The following BABAM2 variants were observed in gnomAD, a reference collection of about 807,000 sequenced individuals.
The protein encoded by BABAM2 is BRISC and BRCA1 A complex member 2, also known as BRISC and BRCA1-A complex member 2.
A neutral mutation model predicts 54.7 loss-of-function variants in BABAM2; 31 were observed. The observed-to-expected ratio is 0.57, with a 90% CI of 0.43 to 0.77. BABAM2 has a LOEUF of 0.77. BABAM2 is among the 30% of genes least tolerant of loss of function. The pLI is 0.00. For missense variants in BABAM2, 364 were observed against 455.8 expected (o/e 0.80, Z 1.83); for synonymous variants, 167 against 162.9 (o/e 1.03, Z -0.19).
chr2:28,001,727 A>C (rs1673591435), intron 4 of BABAM2, among the ~76,000 whole-genome samples: 1 of 152,158 alleles, frequency 6.6e-6, no homozygotes, highest in Non-Finnish European at 1.5e-5. Context: ...TAGGCGTATC[A>C]CATGGTGAGA....
At chr2:28,217,343 A>G (rs1390524971) in intron 7 of BABAM2, among the ~76,000 whole-genome samples, 2 of 152,348 alleles carry the variant, frequency 1.3e-5, no homozygotes, top group African/African-American at 2.4e-5. Flanking sequence ...GCTCAGAGGC[A>G]TTTTATGTGT....
intron 10 of BABAM2, among the ~76,000 whole-genome samples, chr2:28,250,369 C>T (rs1348663940): frequency 3.8e-5 from 5 of 132,974 alleles, no homozygotes; most frequent in Admixed American, 1.6e-4. Context: ...ACTTTCTTAG[C>T]GGTTTATTCT....
rs994022178 is a variant in BABAM2, at chr2:27,890,791, C to A, written c.-76C>A. On this transcript the variant is annotated 5_prime_UTR_variant, in exon 1 of 12. Transcript: ENST00000379624. This position sits in a 1 kb window ranked among gnomAD's most constrained non-coding sequence, Gnocchi z 4.8. ...TCGGTGCGTCTGTCGGGGGCGCGCTCGGGTACCTGTACCCCACGTAGTCGC... is the reference window on the plus strand; with the variant it reads ...TCGGTGCGTCTGTCGGGGGCGCGCTAGGGTACCTGTACCCCACGTAGTCGC... The A allele has an allele frequency of 3.9e-5, 6 of 152,702 alleles. No homozygotes were observed. In the South Asian group the frequency reaches 1.2e-3, roughly 32 times the overall value. 9.5% of individuals were successfully genotyped at this position (152,702 alleles called of 1,614,324 possible).
intron 2 of BABAM2, among the ~76,000 whole-genome samples, chr2:27,928,988 G>A (rs1257260059): frequency 6.6e-6 from 1 of 150,630 alleles, no homozygotes; most frequent in African/African-American, 2.4e-5. Flanking sequence ...CTAGGTGGGA[G>A]GAGGATCACT....
intron 3 of BABAM2, among the ~76,000 whole-genome samples, chr2:27,966,048 G>C (rs1002492334): frequency 6.6e-6 from 1 of 152,112 alleles, no homozygotes; most frequent in Non-Finnish European, 1.5e-5. Context: ...TGATGTAGAG[G>C]CTTACTCAGG....
At chr2:28,012,845 C>T (rs1044918258) in intron 4 of BABAM2, among the ~76,000 whole-genome samples, 8 of 152,196 alleles carry the variant, frequency 5.3e-5, no homozygotes, top group Non-Finnish European at 1.2e-4. Context: ...TACTTTCTTT[C>T]TCTTAATAAA....
intron 1 of BABAM2, among the ~76,000 whole-genome samples, chr2:27,892,670 A>G (rs1664956510): frequency 6.6e-6 from 1 of 152,142 alleles, no homozygotes; most frequent in Non-Finnish European, 1.5e-5. Flanking sequence ...ATTCCTTACT[A>G]CCTCAGGCTT....
chr2:27,963,780 G>C (rs2148435861), intron 3 of BABAM2, among the ~76,000 whole-genome samples: 1 of 152,238 alleles, frequency 6.6e-6, no homozygotes, highest in Non-Finnish European at 1.5e-5. Context: ...GAAAATCTCA[G>C]ATGAAATACT....
chr2:28,042,190 G>C (rs1476238310), intron 5 of BABAM2, among the ~76,000 whole-genome samples: 1 of 152,148 alleles, frequency 6.6e-6, no homozygotes, highest in African/African-American at 2.4e-5. Context: ...TAAATATCAA[G>C]AGAAGAGCAC....
At chr2:27,960,318 A>G (rs191645093) in intron 3 of BABAM2, among the ~76,000 whole-genome samples, 25 of 152,336 alleles carry the variant, frequency 1.6e-4, no homozygotes, top group African/African-American at 6.0e-4. Flanking sequence ...GCTAAAGTAT[A>G]AGGCATAGTC....
chr2:28,300,181 C>T (rs1368954684), intron 11 of BABAM2, among the ~76,000 whole-genome samples: 3 of 152,094 alleles, frequency 2.0e-5, no homozygotes, highest in Admixed American at 6.6e-5. Context: ...TCAGGTGATC[C>T]GCCCACCTCA....
chr2:28,206,578 T>A (rs747450271), intron 7 of BABAM2, among the ~76,000 whole-genome samples: 32 of 152,276 alleles, frequency 2.1e-4, no homozygotes, highest in Admixed American at 1.0e-3. Flanking sequence ...ACCCCACCAG[T>A]GCTCCACTCA....
chr2:28,194,011 A>G (rs2147929583), intron 7 of BABAM2, among the ~76,000 whole-genome samples: 1 of 152,248 alleles, frequency 6.6e-6, no homozygotes, highest in South Asian at 2.1e-4. Context: ...CCCCGTAACC[A>G]AATTTGGGGG....
At chr2:28,051,056 G>A (rs1015128360) in intron 6 of BABAM2, among the ~76,000 whole-genome samples, 3 of 152,164 alleles carry the variant, frequency 2.0e-5, no homozygotes, top group African/African-American at 7.2e-5. Context: ...GGTTATCATG[G>A]TAAGAGCTAT....
chr2:27,936,524 C>G (rs983806316), intron 3 of BABAM2, among the ~76,000 whole-genome samples: 1 of 152,094 alleles, frequency 6.6e-6, no homozygotes, highest in Non-Finnish European at 1.5e-5. Context: ...CACTATTCAC[C>G]ATAGCAAAGA....
chr2:28,269,900 G>A (rs1178647735), intron 10 of BABAM2, among the ~76,000 whole-genome samples: 1 of 150,494 alleles, frequency 6.6e-6, no homozygotes, highest in Non-Finnish European at 1.5e-5. Flanking sequence ...AATAGTATTT[G>A]ACTGATAGTA....
rs1475674791 is a variant in BABAM2 at position 28,322,826 on chromosome 2, T to G, written c.1089-15624T>G. Among the ~76,000 whole-genome samples the G allele has an allele frequency of 1.3e-5, 2 of 152,264 alleles. No homozygotes were observed. The highest frequency in any genetic ancestry group is 4.8e-5 in the African/African-American group (2 of 41,474). On this transcript the variant is annotated intron_variant, in intron 11 of 11. Transcript: ENST00000379624. This position sits in a 1 kb window ranked among gnomAD's most constrained non-coding sequence, Gnocchi z 4.1. Reference sequence around the variant, plus strand: ...TGCCAGACTTGCAAAGGGGAATTAATTATTGTTTGTGATACAATTAAAATC... The same window carrying G: ...TGCCAGACTTGCAAAGGGGAATTAAGTATTGTTTGTGATACAATTAAAATC...
At chr2:28,013,503 A>G (rs866867231) in intron 4 of BABAM2, 9 of 424,148 alleles carry the variant, frequency 2.1e-5, no homozygotes, top group African/African-American at 1.0e-4. Context: ...TTTCAGCTAC[A>G]AAGGTATTTG....
At chr2:28,055,256 C>T (rs1464118427) in intron 6 of BABAM2, among the ~76,000 whole-genome samples, 1 of 152,110 alleles carries the variant, frequency 6.6e-6, no homozygotes, top group African/African-American at 2.4e-5. Flanking sequence ...CCACCAAGGC[C>T]TACCCTAGGG....
Sources: gnomAD v4.1 joint callset for allele counts (sites outside exome capture counted in the v4.1 genomes callset) on GRCh38, gnomAD v4.1.1 for gene constraint, Gnocchi (gnomAD v3.1) non-coding constraint, MANE v1.5 for transcripts, NCBI Gene and HGNC (gene_info 2026-07-23, HGNC 2026-07-21) for gene names.